The following EPB41L5 variants were observed in gnomAD, a reference collection of about 807,000 sequenced individuals.
The protein encoded by EPB41L5 is erythrocyte membrane protein band 4.1 like 5.
EPB41L5 carries 55 observed loss-of-function variants against 106.6 expected under a neutral mutation model. That is an observed-to-expected ratio of 0.52 (90% confidence interval 0.42 to 0.65). EPB41L5 has a LOEUF of 0.65. Among genes scored for constraint, EPB41L5 ranks in the 30% least tolerant of loss-of-function variants. The pLI, the probability that EPB41L5 is intolerant of heterozygous loss-of-function variation, is 0.00. For synonymous variants in EPB41L5, 297 were observed against 306.7 expected, an observed-to-expected ratio of 0.97 and a Z score of 0.33; for missense variants, 871 against 882.1, an observed-to-expected ratio of 0.99 and a Z score of 0.16.
At chr2:120,070,213 A>G (rs1374764287) in intron 3 of EPB41L5, among the ~76,000 whole-genome samples, 1 of 152,232 alleles carries the variant, frequency 6.6e-6, no homozygotes, top group Middle Eastern at 3.2e-3. Flanking sequence ...CTCTACACAA[A>G]TAAACTAGAA....
At chr2:120,086,900 G>A (rs1574633770) in intron 10 of EPB41L5, among the ~76,000 whole-genome samples, 1 of 151,946 alleles carries the variant, frequency 6.6e-6, no homozygotes, top group East Asian at 1.9e-4. Context: ...CACCATAATC[G>A]AGACCTATCA....
chr2:120,057,617 C>T (rs982208452), intron 3 of EPB41L5, among the ~76,000 whole-genome samples: 2 of 151,084 alleles, frequency 1.3e-5, no homozygotes, highest in African/African-American at 2.4e-5. Context: ...ACAGTTACGC[C>T]GTCAAACATT....
chr2:120,106,166 T>A, intron 16 of EPB41L5: 2 of 985,398 alleles, frequency 2.0e-6, no homozygotes, highest in Non-Finnish European at 2.4e-6. Flanking sequence ...TTTTCTTTTG[T>A]TGAAAACCTT....
chr2:120,166,842 A>G (rs1687436723), intron 22 of EPB41L5, among the ~76,000 whole-genome samples: 1 of 152,264 alleles, frequency 6.6e-6, no homozygotes, highest in Admixed American at 6.5e-5. Context: ...AGTCTAAATT[A>G]CTAGTAAAAT....
intron 5 of EPB41L5, 53 bp downstream of exon 5, chr2:120,074,231 C>A: frequency 7.2e-7 from 1 of 1,381,572 alleles, no homozygotes; most frequent in Non-Finnish European, 1.0e-6. Context: ...TTTTGAAAGA[C>A]TGTCTTTATA....
At chr2:120,137,284 G>C (rs796641761) in intron 18 of EPB41L5, among the ~76,000 whole-genome samples, 60 of 151,986 alleles carry the variant, frequency 3.9e-4, no homozygotes, top group African/African-American at 1.4e-3. Context: ...CAGATAAACA[G>C]CCTAATGATG....
Position 120,028,008 on chromosome 2 carries a change from G to A in EPB41L5, c.180+8744G>A, listed in dbSNP as rs149351981. Among the ~76,000 whole-genome samples, 1,164 of 151,710 alleles carry A rather than the reference G, an allele frequency of 7.7e-3. 12 individuals carry two copies. The highest frequency in any genetic ancestry group is 0.027 in the African/African-American group (1,100 of 41,330). ...CTTCCGAGTCACTGGGATTACAGGCGCCCACCACCACACCCAGCTAATTTT... is the reference window on the plus strand; with the variant it reads ...CTTCCGAGTCACTGGGATTACAGGCACCCACCACCACACCCAGCTAATTTT... On this transcript the variant is annotated intron_variant, in intron 2 of 24. Coordinates refer to ENST00000263713, the MANE Select transcript of EPB41L5 (RefSeq NM_020909.4).
At chr2:120,056,465 GT>G (rs1450086834) in intron 3 of EPB41L5, among the ~76,000 whole-genome samples, 3 of 151,696 alleles carry the variant, frequency 2.0e-5, no homozygotes, top group African/African-American at 4.8e-5. Flanking sequence ...TGCCCGGCTA[GT>G]TTTTGTATTT....
chr2:120,105,073 G>T, intron 16 of EPB41L5: 1 of 981,310 alleles, frequency 1.0e-6, no homozygotes. Flanking sequence ...CTCATAATCT[G>T]ATCCTGTATA....
intron 10 of EPB41L5, among the ~76,000 whole-genome samples, chr2:120,085,734 T>G (rs1321925322): frequency 6.6e-6 from 1 of 152,162 alleles, no homozygotes; most frequent in Non-Finnish European, 1.5e-5. Context: ...GTGAAGAACC[T>G]CAGGCAATTA....
At chr2:120,032,881 G>A (rs115858634) in intron 2 of EPB41L5, among the ~76,000 whole-genome samples, 1 of 152,186 alleles carries the variant, frequency 6.6e-6, no homozygotes, top group African/African-American at 2.4e-5. Context: ...ATTGCTTGAG[G>A]GCAAATATAA....
At chr2:120,138,226 G>A (rs1432509552) in intron 18 of EPB41L5, among the ~76,000 whole-genome samples, 1 of 151,916 alleles carries the variant, frequency 6.6e-6, no homozygotes, top group Non-Finnish European at 1.5e-5. Flanking sequence ...CACACTAAAA[G>A]CCATGTTATG....
At chr2:120,106,744 A>G (rs983155441) in intron 16 of EPB41L5, 9 of 985,326 alleles carry the variant, frequency 9.1e-6, no homozygotes, top group Non-Finnish European at 1.1e-5. Context: ...TGACCTTCAC[A>G]CTTTCACGCA....
chr2:120,124,047 GACTT>G (rs1685349527), intron 16 of EPB41L5, among the ~76,000 whole-genome samples: 1 of 152,204 alleles, frequency 6.6e-6, no homozygotes, highest in Non-Finnish European at 1.5e-5. Context: ...AGGGGGCGAA[GACTT>G]ACTTGGTTGG....
At chr2:120,093,046 A>C (rs1683517787) in intron 13 of EPB41L5, among the ~76,000 whole-genome samples, 1 of 152,126 alleles carries the variant, frequency 6.6e-6, no homozygotes, top group Admixed American at 6.5e-5. Flanking sequence ...CTCAACTCTT[A>C]GGAGTTTGAG....
chr2:120,091,516 G>T, intron 12 of EPB41L5, 39 bp from the exon 13 acceptor site: 3 of 1,425,396 alleles, frequency 2.1e-6, no homozygotes, highest in South Asian at 1.2e-5. Context: ...TATTACTGTA[G>T]ACCTAAAATT....
rs765214309 is a variant in EPB41L5 at position 120,100,240 on chromosome 2, A to G, written c.1179-4A>G. 18 of 1,612,350 alleles carry G rather than the reference A, an allele frequency of 1.1e-5. No homozygotes were observed. The highest frequency in any genetic ancestry group is 1.5e-5 in the Non-Finnish European group (18 of 1,179,014). ...TTTTAATTGATTTTTTTTTCCCATT[A>G]CAGTGTTCACAATAATGTTTCGACC... On this transcript the variant is annotated splice_polypyrimidine_tract_variant and splice_region_variant and intron_variant, in intron 14 of 24. Coordinates refer to ENST00000263713, the MANE Select transcript of EPB41L5 (RefSeq NM_020909.4).
rs911610547 is a variant in EPB41L5 at position 120,127,727 on chromosome 2, A to C, written c.1377A>C (p.Leu459Phe). 7 of 1,613,428 alleles carry C rather than the reference A, an allele frequency of 4.3e-6. No individual in the cohort carries two copies. The African/African-American group carries it at 8.0e-5, about 18-fold the overall frequency. ...TTGATTTGCTGAATAGCCCAGACTTATTGGAAGCAACGATTGGTGATGTAA... is the reference window on the plus strand; with the variant it reads ...TTGATTTGCTGAATAGCCCAGACTTCTTGGAAGCAACGATTGGTGATGTAA... ...LNIDLLNSPDLLEATIGDVIG... is the reference protein window; with the variant it reads ...LNIDLLNSPDFLEATIGDVIG... The change falls in exon 17 of 25, where the codon TTA (leucine) becomes TTC (phenylalanine). Residue 459 changes from leucine to phenylalanine, a missense_variant. Transcript: ENST00000263713.
chr2:120,109,541 A>G (rs1684626058), intron 16 of EPB41L5, among the ~76,000 whole-genome samples: 1 of 152,188 alleles, frequency 6.6e-6, no homozygotes, highest in Admixed American at 6.5e-5. Context: ...ACTCTAGGTG[A>G]ACCATCCATA....
Sources: gnomAD v4.1 joint callset for allele counts (sites outside exome capture counted in the v4.1 genomes callset) on GRCh38, gnomAD v4.1.1 for gene constraint, MANE v1.5 for transcripts, NCBI Gene and HGNC (gene_info 2026-07-23, HGNC 2026-07-21) for gene names.